BCL2L15: variants seen among roughly 807,000 people sequenced by gnomAD.
BCL2L15 encodes the protein bcl-2-like protein 15.
In BCL2L15, 15 loss-of-function variants were observed where a neutral mutation model predicts 18.3. The observed-to-expected ratio is 0.82, with a 90% CI of 0.55 to 1.26. BCL2L15 has a LOEUF of 1.26. Among genes scored for constraint, BCL2L15 ranks in the 50% most tolerant of loss-of-function variants. BCL2L15 has a pLI of 0.00. For missense variants in BCL2L15, 180 were observed against 201.7 expected, an observed-to-expected ratio of 0.89 and a Z score of 0.65; for synonymous variants, 58 against 68.5, an observed-to-expected ratio of 0.85 and a Z score of 0.76.
rs1491394769 is a variant in BCL2L15 at position 113,880,921 on chromosome 1, AAC to A, written c.*200_*201del. ...GGTTTGCATTAAGTTGACAAAACAA[AAC>A]AAAACAAAAACCAACTCTGCAGGCC... On this transcript the variant is annotated 3_prime_UTR_variant, in exon 4 of 4. Coordinates refer to ENST00000393316, the MANE Select transcript of BCL2L15 (RefSeq NM_001010922.3). 1.3e-5 allele frequency: 8 copies of A among 620,696 alleles called. No homozygotes were observed. In the East Asian group the frequency reaches 1.4e-4, roughly 11 times the overall value. The allele number at this position is 620,696 out of a possible 1,614,324, so 38.4% of individuals were successfully genotyped here. A position where few individuals can be genotyped will look rare whatever the true frequency, so the allele number is the denominator to read the frequency against.
chr1:113,885,848 C>T (rs1667015305), intron 2 of BCL2L15, among the ~76,000 whole-genome samples: 1 of 151,296 alleles, frequency 6.6e-6, no homozygotes, highest in Non-Finnish European at 1.5e-5. Context: ...GTGGAGGTTG[C>T]AGTGAGCCGA....
At position 113,879,900 on chromosome 1, in the gene BCL2L15, T is replaced by C. The variant is rs1036250640; in HGVS notation, c.*1223A>G. ...TGACGCGTGGGTTGTAATTTATCAA[T>C]CTATTCTCTATAGTGATGGCTGTCA... On this transcript the variant is annotated 3_prime_UTR_variant, in exon 4 of 4. Coordinates refer to ENST00000393316, the MANE Select transcript of BCL2L15 (RefSeq NM_001010922.3). 5 of 152,234 alleles carry C rather than the reference T, an allele frequency of 3.3e-5. No individual in the cohort carries two copies. Among genetic ancestry groups the C allele is most frequent in the African/African-American group, 1.2e-4 (5 of 41,464 alleles). The allele number at this position is 152,234 out of a possible 1,614,324, so 9.4% of individuals were successfully genotyped here.
Position 113,877,543 on chromosome 1 carries a change from G to T in BCL2L15, c.*3580C>A, listed in dbSNP as rs1044411697. Among the ~76,000 whole-genome samples the T allele has an allele frequency of 6.6e-6, 1 of 152,076 alleles. No individual in the cohort carries two copies. On this transcript the variant is annotated 3_prime_UTR_variant, in exon 4 of 4. Coordinates refer to ENST00000393316, the MANE Select transcript of BCL2L15 (RefSeq NM_001010922.3). ...CAATGCTTTTGGAAAGTTATTTCTT[G>T]ATTTAAAAAATAAATGCCCCCTTCT...
At position 113,878,528 on chromosome 1, in the gene BCL2L15, A is replaced by C. The variant is rs1005157906; in HGVS notation, c.*2595T>G. ...AATGCAGTATACTTGGAACTGTTTT[A>C]TGAGCAACATAGGATAAAACTGGGA... is the stretch of plus-strand genomic sequence containing the variant. On this transcript the variant is annotated 3_prime_UTR_variant, in exon 4 of 4. Coordinates refer to ENST00000393316, the MANE Select transcript of BCL2L15 (RefSeq NM_001010922.3). 8 of 152,396 alleles carry C rather than the reference A, an allele frequency of 5.2e-5. No homozygotes were observed. The highest frequency in any genetic ancestry group is 1.7e-4 in the African/African-American group (7 of 41,476). 9.4% of individuals were successfully genotyped at this position (152,396 alleles called of 1,614,324 possible). A position where few individuals can be genotyped will look rare whatever the true frequency, so the allele number is the denominator to read the frequency against.
rs538276719 is a variant in BCL2L15 at position 113,877,163 on chromosome 1, G to C, written c.*3960C>G. On this transcript the variant is annotated 3_prime_UTR_variant, in exon 4 of 4. Transcript: ENST00000393316. ...GAATATGAAACATAGGGAACAGTAG[G>C]AGGAGGGCAGCTTTAGTGACTGGCT... is the stretch of plus-strand genomic sequence containing the variant. Among the ~76,000 whole-genome samples, 1 of 152,198 alleles carries C rather than the reference G, an allele frequency of 6.6e-6. No homozygotes were observed. The highest frequency in any genetic ancestry group is 1.9e-4 in the East Asian group (1 of 5,184).
At chr1:113,884,559 T>C (rs1253862884) in intron 2 of BCL2L15, among the ~76,000 whole-genome samples, 1 of 152,132 alleles carries the variant, frequency 6.6e-6, no homozygotes, top group East Asian at 1.9e-4. Flanking sequence ...ATTTCCTGGT[T>C]TTGATGGTTA....
In BCL2L15 at chr1:113,877,703, A is replaced by G. The variant is rs181815059; in HGVS notation, c.*3420T>C. Among the ~76,000 whole-genome samples the G allele has an allele frequency of 9.2e-5, 14 of 152,370 alleles. No homozygotes were observed. The highest frequency in any genetic ancestry group is 7.8e-4 in the Admixed American group (12 of 15,304). ...TCAATCTGATGGCAGTATATAGGAC[A>G]GACTGGAATGGAGCAGGAACAGAAC... On this transcript the variant is annotated 3_prime_UTR_variant, in exon 4 of 4. Coordinates refer to ENST00000393316, the MANE Select transcript of BCL2L15 (RefSeq NM_001010922.3).
At position 113,879,410 on chromosome 1, in the gene BCL2L15, G is replaced by A. The variant is rs1212440188; in HGVS notation, c.*1713C>T. On this transcript the variant is annotated 3_prime_UTR_variant, in exon 4 of 4. Coordinates refer to ENST00000393316, the MANE Select transcript of BCL2L15 (RefSeq NM_001010922.3). Reference sequence around the variant, plus strand: ...CTATTAGATCATTAAGGACTATTTTGAGATACAAGATCATACAAATCATAA... The same window carrying A: ...CTATTAGATCATTAAGGACTATTTTAAGATACAAGATCATACAAATCATAA... 5.3e-5 allele frequency: 8 copies of A among 152,330 alleles called. No homozygotes were observed. The highest frequency in any genetic ancestry group is 5.2e-4 in the Admixed American group (8 of 15,278). The allele number at this position is 152,330 out of a possible 1,614,324, so 9.4% of individuals were successfully genotyped here.
chr1:113,887,365 G>A lies in BCL2L15; in HGVS notation c.11C>T (p.Ser4Phe). The change falls in exon 1 of 4, where the codon TCC (serine) becomes TTC (phenylalanine). Residue 4 changes from serine to phenylalanine, a missense_variant. Transcript: ENST00000393316. MKS[S>F]QTFEEQTECI... ...TTCCGTTTGTTCCTCAAAAGTTTGGGAGCTCTTCATTTTAGATGTTTGCTG... is the reference window on the plus strand; with the variant it reads ...TTCCGTTTGTTCCTCAAAAGTTTGGAAGCTCTTCATTTTAGATGTTTGCTG... 1 of 1,614,078 alleles carries A rather than the reference G, an allele frequency of 6.2e-7. No homozygotes were observed.
chr1:113,886,493 TA>T (rs762528661), intron 2 of BCL2L15, 43 bp downstream of exon 2: 7 of 1,578,798 alleles, frequency 4.4e-6, no homozygotes, highest in African/African-American at 1.4e-5. Flanking sequence ...AAGTTTGAAA[TA>T]GAAAAAAAAG....
At position 113,887,366 on chromosome 1, in the gene BCL2L15, A is replaced by G. The variant is rs752305101; in HGVS notation, c.10T>C (p.Ser4Pro). 14 of 1,614,064 alleles carry G rather than the reference A, an allele frequency of 8.7e-6. No individual in the cohort carries two copies. In the Admixed American group the frequency reaches 2.3e-4, roughly 27 times the overall value. MKS[S>P]QTFEEQTECI... ...TCCGTTTGTTCCTCAAAAGTTTGGG[A>G]GCTCTTCATTTTAGATGTTTGCTGT... Residue 4 changes from serine (S) to proline (P), a missense_variant, in exon 1 of 4, where the codon TCC (serine) becomes CCC (proline). Coordinates refer to ENST00000393316, the MANE Select transcript of BCL2L15 (RefSeq NM_001010922.3).
intron 2 of BCL2L15, among the ~76,000 whole-genome samples, chr1:113,882,440 T>G (rs1666903565): frequency 6.6e-6 from 1 of 150,610 alleles, no homozygotes. Flanking sequence ...AGGTCAGGAG[T>G]TCAAGACCAG....
At chr1:113,885,118 A>C (rs1373791007) in intron 2 of BCL2L15, among the ~76,000 whole-genome samples, 2 of 151,426 alleles carry the variant, frequency 1.3e-5, no homozygotes, top group Admixed American at 6.6e-5. Context: ...ACCATGCCCA[A>C]CTAATTTTTG....
In BCL2L15 at chr1:113,882,675, A is replaced by G. The variant is rs1013348527; in HGVS notation, c.250-678T>C. The stretch of plus-strand genomic sequence containing the variant: ...AAAAAAAGACCGAATGCAGTGGTTC[A>G]CACCCGTAATCCCAACACTTTGGGA... On this transcript the variant is annotated intron_variant, in intron 2 of 3. Coordinates refer to ENST00000393316, the MANE Select transcript of BCL2L15 (RefSeq NM_001010922.3). 2.0e-5 allele frequency among the ~76,000 whole-genome samples: 3 copies of G among 152,190 alleles called. No individual in the cohort carries two copies. The South Asian group carries it at 6.2e-4, about 32-fold the overall frequency.
rs1328257994 is a variant in BCL2L15, at chr1:113,877,036, G to A, written c.*4087C>T. Among the ~76,000 whole-genome samples the A allele has an allele frequency of 1.3e-5, 2 of 152,098 alleles. No homozygotes were observed. Among genetic ancestry groups the A allele is most frequent in the Non-Finnish European group, 2.9e-5 (2 of 68,018 alleles). ...ACAAACAAAAGTTCAAGGAGGCAAA[G>A]ACCACTTCTTATTCTGGTTATATGG... On this transcript the variant is annotated 3_prime_UTR_variant, in exon 4 of 4. Transcript: ENST00000393316.
chr1:113,881,366 T>C (rs1666874819), intron 3 of BCL2L15: 3 of 1,060,874 alleles, frequency 2.8e-6, no homozygotes, highest in Admixed American at 6.1e-5. Flanking sequence ...AAGACTGTTT[T>C]TTCTTAGATA....
rs1360806347 is a variant in BCL2L15 at position 113,877,970 on chromosome 1, G to C, written c.*3153C>G. The stretch of plus-strand genomic sequence containing the variant: ...TAAATAATAAGCATCTGTGGGTATG[G>C]AATTGAGAAGGGAAATAAATCATAT... On this transcript the variant is annotated 3_prime_UTR_variant, in exon 4 of 4. Coordinates refer to ENST00000393316, the MANE Select transcript of BCL2L15 (RefSeq NM_001010922.3). Among the ~76,000 whole-genome samples, 1 of 152,184 alleles carries C rather than the reference G, an allele frequency of 6.6e-6. No homozygotes were observed. The highest frequency in any genetic ancestry group is 1.5e-5 in the Non-Finnish European group (1 of 68,040).
At chr1:113,883,092 G>C (rs1001874911) in intron 2 of BCL2L15, among the ~76,000 whole-genome samples, 6 of 152,240 alleles carry the variant, frequency 3.9e-5, no homozygotes, top group Non-Finnish European at 7.4e-5. Flanking sequence ...GGGGGCCAAG[G>C]GTGGTCAGAG....
rs921734720 is a variant in BCL2L15, at chr1:113,878,804, C to T, written c.*2319G>A. 1.1e-4 allele frequency: 17 copies of T among 151,954 alleles called. No homozygotes were observed. The highest frequency in any genetic ancestry group is 1.0e-3 in the South Asian group (5 of 4,816). 9.4% of individuals were successfully genotyped at this position (151,954 alleles called of 1,614,324 possible). Reference sequence around the variant, plus strand: ...GGACACATCATTTATGGATTACTAACTTGTTGTGATTTAACTAGGAATAGA... The same window carrying T: ...GGACACATCATTTATGGATTACTAATTTGTTGTGATTTAACTAGGAATAGA... On this transcript the variant is annotated 3_prime_UTR_variant, in exon 4 of 4. Coordinates refer to ENST00000393316, the MANE Select transcript of BCL2L15 (RefSeq NM_001010922.3).
Sources: gnomAD v4.1 joint callset for allele counts (sites outside exome capture counted in the v4.1 genomes callset) on GRCh38, gnomAD v4.1.1 for gene constraint, MANE v1.5 for transcripts, NCBI Gene and HGNC (gene_info 2026-07-23, HGNC 2026-07-21) for gene names.